Variants in NELL1 observed in about 807,000 individuals in gnomAD.
The protein encoded by NELL1 is protein kinase C-binding protein NELL1.
In NELL1, 76 loss-of-function variants were observed where a neutral mutation model predicts 107.4. The ratio of observed to expected loss-of-function variants is 0.71; its 90% CI spans 0.59 to 0.86. NELL1 has a LOEUF of 0.86. Among genes scored for constraint, NELL1 ranks in the 40% least tolerant of loss-of-function variants. The pLI is 0.00. For missense variants in NELL1, 1,024 were observed against 1,005.5 expected, an observed-to-expected ratio of 1.02 and a Z score of -0.25; for synonymous variants, 353 against 341.2, an observed-to-expected ratio of 1.03 and a Z score of -0.38.
intron 14 of NELL1, among the ~76,000 whole-genome samples, chr11:21,317,053 T>TC (rs1382924541): frequency 5.3e-5 from 8 of 152,134 alleles, no homozygotes; most frequent in African/African-American, 1.9e-4. Flanking sequence ...CATTTTATTG[T>TC]CCTAGGTTAG....
At chr11:21,452,700 T>C (rs764723528) in intron 15 of NELL1, among the ~76,000 whole-genome samples, 6 of 152,014 alleles carry the variant, frequency 3.9e-5, no homozygotes, top group Admixed American at 6.5e-5. Flanking sequence ...CTTCCTACAG[T>C]GTACTTTGTG....
chr11:21,341,132 T>G, intron 14 of NELL1, among the ~76,000 whole-genome samples: 1 of 151,992 alleles, frequency 6.6e-6, no homozygotes, highest in South Asian at 2.1e-4. Flanking sequence ...CACTGACTGA[T>G]AAAAAGAAAT....
chr11:20,783,912 C>A, intron 3 of NELL1, 82 bp downstream of exon 3: 1 of 1,343,976 alleles, frequency 7.4e-7, no homozygotes, highest in Non-Finnish European at 9.9e-7. Flanking sequence ...GAGTTTGTAG[C>A]CCCATGAAAA....
intron 12 of NELL1, among the ~76,000 whole-genome samples, chr11:21,036,469 C>T (rs1047225330): frequency 9.2e-5 from 14 of 152,146 alleles, no homozygotes; most frequent in African/African-American, 3.4e-4. Context: ...ATCACACTGA[C>T]TGCAAACTAT....
intron 12 of NELL1, among the ~76,000 whole-genome samples, chr11:21,100,603 A>G (rs1261360502): frequency 1.3e-5 from 2 of 152,182 alleles, no homozygotes; most frequent in African/African-American, 4.8e-5. Context: ...TTGTAGACAT[A>G]TACTCCAAGG....
intron 15 of NELL1, among the ~76,000 whole-genome samples, chr11:21,439,175 A>T (rs957123188): frequency 6.6e-6 from 1 of 152,016 alleles, no homozygotes; most frequent in African/African-American, 2.4e-5. Context: ...ACTAGACCTA[A>T]GAGTCAGAGA....
chr11:21,135,353 C>G (rs1008599972), intron 13 of NELL1, among the ~76,000 whole-genome samples: 1 of 152,156 alleles, frequency 6.6e-6, no homozygotes, highest in African/African-American at 2.4e-5. Flanking sequence ...TCATGAAGAA[C>G]TCAGGCAGAG....
intron 13 of NELL1, among the ~76,000 whole-genome samples, chr11:21,210,592 G>C (rs1290656787): frequency 6.6e-6 from 1 of 151,920 alleles, no homozygotes; most frequent in African/African-American, 2.4e-5. Context: ...TTTAATTATT[G>C]CTTGCTAAAA....
intron 5 of NELL1, among the ~76,000 whole-genome samples, chr11:20,893,156 G>A (rs1849653385): frequency 6.6e-6 from 1 of 151,900 alleles, no homozygotes; most frequent in African/African-American, 2.4e-5. Flanking sequence ...ACCAACACAG[G>A]AACAGAAAAC....
chr11:20,880,482 T>A (rs1017026807), intron 4 of NELL1, among the ~76,000 whole-genome samples: 3 of 152,250 alleles, frequency 2.0e-5, no homozygotes, highest in Non-Finnish European at 2.9e-5. Context: ...TTAAATTACT[T>A]GATTAAAGTC....
Position 20,699,441 on chromosome 11 carries a change from A to C in NELL1, c.184+21381A>C, listed in dbSNP as rs547961595. Among the ~76,000 whole-genome samples the C allele has an allele frequency of 1.9e-3, 287 of 151,140 alleles. 2 individuals are homozygous for C. The highest frequency in any genetic ancestry group is 6.7e-3 in the African/African-American group (275 of 41,210). On this transcript the variant is annotated intron_variant, in intron 2 of 19. Coordinates refer to ENST00000357134, the MANE Select transcript of NELL1 (RefSeq NM_006157.5). The stretch of plus-strand genomic sequence containing the variant: ...AGTGGTGCGATCTCCGCTCACTGCA[A>C]CCTCTACCTCCTGGGTTCAAACGAC...
intron 13 of NELL1, among the ~76,000 whole-genome samples, chr11:21,217,889 T>G (rs966374086): frequency 2.6e-5 from 4 of 152,200 alleles, no homozygotes; most frequent in Admixed American, 1.3e-4. Flanking sequence ...TCATGGCTAC[T>G]GACGCCAGAG....
intron 15 of NELL1, among the ~76,000 whole-genome samples, chr11:21,433,498 G>C (rs987374977): frequency 6.6e-6 from 1 of 152,160 alleles, no homozygotes; most frequent in Non-Finnish European, 1.5e-5. Context: ...TGCACCAACA[G>C]TGTGTATGAG....
At chr11:20,904,303 G>T (rs993840411) in intron 5 of NELL1, among the ~76,000 whole-genome samples, 1 of 151,666 alleles carries the variant, frequency 6.6e-6, no homozygotes, top group Non-Finnish European at 1.5e-5. Flanking sequence ...TTCCCAACAC[G>T]AATAAATAAC....
At position 21,191,875 on chromosome 11, in the gene NELL1, C is replaced by T. The variant is rs540456777; in HGVS notation, c.1427-37457C>T. ...TTATGTTTTAACTTTTATATTTTAA[C>T]TAAAGCATTATTCAAATATAACTTC... On this transcript the variant is annotated intron_variant, in intron 13 of 19. Transcript: ENST00000357134. 5.4e-4 allele frequency among the ~76,000 whole-genome samples: 82 copies of T among 151,980 alleles called. 3 individuals carry two copies. The highest frequency in any genetic ancestry group is 1.9e-3 in the African/African-American group (79 of 41,302).
intron 2 of NELL1, among the ~76,000 whole-genome samples, chr11:20,708,496 T>C (rs1444281041): frequency 1.3e-5 from 2 of 152,184 alleles, no homozygotes; most frequent in Non-Finnish European, 2.9e-5. Flanking sequence ...TTTTTTTTAA[T>C]GTTTTTTGGC....
Position 20,741,355 on chromosome 11 carries a change from C to T in NELL1, c.185-42325C>T, listed in dbSNP as rs144593738. 6.9e-3 allele frequency among the ~76,000 whole-genome samples: 1,057 copies of T among 152,214 alleles called. 9 individuals are homozygous for T. Among genetic ancestry groups the T allele is most frequent in the African/African-American group, 0.024 (993 of 41,536 alleles). ...TATTGCCATTTGTCTTTTCTCCTAT[C>T]TCAACTTAAGAAAGTGTCATACTGT... On this transcript the variant is annotated intron_variant, in intron 2 of 19. Coordinates refer to ENST00000357134, the MANE Select transcript of NELL1 (RefSeq NM_006157.5).
At chr11:20,908,293 G>A (rs1212396632) in intron 5 of NELL1, among the ~76,000 whole-genome samples, 1 of 152,078 alleles carries the variant, frequency 6.6e-6, no homozygotes, top group Non-Finnish European at 1.5e-5. Context: ...CAAAGACATG[G>A]AACTAACCCA....
chr11:21,517,363 G>A (rs1855592701), intron 15 of NELL1, among the ~76,000 whole-genome samples: 1 of 152,166 alleles, frequency 6.6e-6, no homozygotes, highest in Admixed American at 6.5e-5. Flanking sequence ...TAGACAGACG[G>A]TGAATAAACC....
Sources: allele counts gnomAD v4.1 joint callset (sites outside exome capture counted in the v4.1 genomes callset), GRCh38; gene constraint gnomAD v4.1.1; transcripts MANE v1.5; gene names NCBI Gene and HGNC (gene_info 2026-07-23, HGNC 2026-07-21).